Variants in CCDC85A observed in about 807,000 individuals in gnomAD.
The protein encoded by CCDC85A is coiled-coil domain-containing protein 85A.
In CCDC85A, 38 loss-of-function variants were observed where a neutral mutation model predicts 50.2. The ratio of observed to expected loss-of-function variants is 0.76; its 90% CI spans 0.58 to 0.99. The LOEUF (loss-of-function observed/expected upper bound fraction) is 0.99. Ranked by LOEUF, CCDC85A falls within the 50% of genes least tolerant of loss-of-function variation. The pLI is 0.00. For missense variants in CCDC85A, 820 were observed against 742.0 expected, an observed-to-expected ratio of 1.11 and a Z score of -1.22; for synonymous variants, 366 against 301.4, an observed-to-expected ratio of 1.21 and a Z score of -2.22.
chr2:56,272,181 G>C (rs1350517785), intron 2 of CCDC85A, among the ~76,000 whole-genome samples: 1 of 152,070 alleles, frequency 6.6e-6, no homozygotes, highest in African/African-American at 2.4e-5. Flanking sequence ...TAATCCCTAA[G>C]GTTAAAGAAT....
chr2:56,193,021 T>C lies in CCDC85A; in HGVS notation c.821T>C (p.Leu274Pro), dbSNP rs757214660. Reference sequence around the variant, plus strand: ...GGAACCCCAGATCGCCCCAAAGCACTCAAAGGACCTAGCCCGGAGCACCAC... The same window carrying C: ...GGAACCCCAGATCGCCCCAAAGCACCCAAAGGACCTAGCCCGGAGCACCAC... The part of the protein sequence containing the change: ...ACGTPDRPKA[L>P]KGPSPEHHKP... The change falls in exon 2 of 6, where the codon CTC (leucine) becomes CCC (proline). Residue 274 changes from leucine to proline, a missense_variant. Leu to Pro is a moderately conservative substitution (Grantham distance 98, BLOSUM62 -3). Coordinates refer to ENST00000407595, the MANE Select transcript of CCDC85A (RefSeq NM_001080433.2). 3 of 1,612,514 alleles carry C rather than the reference T, an allele frequency of 1.9e-6. No individual in the cohort carries two copies. Among genetic ancestry groups the C allele is most frequent in the Non-Finnish European group, 2.5e-6 (3 of 1,179,624 alleles).
chr2:56,204,432 A>C (rs1322547475), intron 2 of CCDC85A, among the ~76,000 whole-genome samples: 12 of 152,168 alleles, frequency 7.9e-5, no homozygotes, highest in South Asian at 2.1e-4. Flanking sequence ...GTCTGATTTC[A>C]CACAGGTTTG....
intron 3 of CCDC85A, among the ~76,000 whole-genome samples, chr2:56,371,231 G>C (rs1676055876): frequency 6.6e-6 from 1 of 152,034 alleles, no homozygotes; most frequent in Admixed American, 6.6e-5. Context: ...AATTTAATAG[G>C]TTCAGAAAAG....
At chr2:56,282,304 T>C (rs1170064628) in intron 2 of CCDC85A, among the ~76,000 whole-genome samples, 1 of 152,204 alleles carries the variant, frequency 6.6e-6, no homozygotes, top group Admixed American at 6.5e-5. Flanking sequence ...TTGATAACTG[T>C]AGCTTTGTAG....
At position 56,270,844 on chromosome 2, in the gene CCDC85A, A is replaced by G. The variant is rs572321110; in HGVS notation, c.1241-72035A>G. Among the ~76,000 whole-genome samples the G allele has an allele frequency of 3.9e-5, 6 of 152,340 alleles. No individual in the cohort carries two copies. In the East Asian group the frequency reaches 1.2e-3, roughly 29 times the overall value. On this transcript the variant is annotated intron_variant, in intron 2 of 5. Coordinates refer to ENST00000407595, the MANE Select transcript of CCDC85A (RefSeq NM_001080433.2). ...TCGTAGGCAGTTTATGCAGTCCACC[A>G]TGGGAAAGCCACTAAATTTATTACC...
chr2:56,282,831 T>A (rs1310958302), intron 2 of CCDC85A, among the ~76,000 whole-genome samples: 1 of 152,248 alleles, frequency 6.6e-6, no homozygotes, highest in Non-Finnish European at 1.5e-5. Context: ...TTATTTGGAC[T>A]GCTTTAATTT....
chr2:56,292,187 A>G (rs1409412964), intron 2 of CCDC85A, among the ~76,000 whole-genome samples: 1 of 152,064 alleles, frequency 6.6e-6, no homozygotes, highest in South Asian at 2.1e-4. Flanking sequence ...GGTTCATGCC[A>G]TTCTCCAGCC....
intron 3 of CCDC85A, among the ~76,000 whole-genome samples, chr2:56,349,217 A>G (rs12616389): frequency 0.44 from 66,981 of 151,922 alleles, 15,992 homozygotes; most frequent in South Asian, 0.6. Flanking sequence ...CTGGAGTCAT[A>G]CTTGGGAAAA....
intron 5 of CCDC85A, among the ~76,000 whole-genome samples, chr2:56,382,729 T>G (rs1401014604): frequency 6.6e-6 from 1 of 152,010 alleles, no homozygotes; most frequent in Non-Finnish European, 1.5e-5. Context: ...CACCACATAG[T>G]TACATCTGGG....
chr2:56,292,934 T>C (rs1022967051), intron 2 of CCDC85A, among the ~76,000 whole-genome samples: 4 of 152,212 alleles, frequency 2.6e-5, no homozygotes, highest in Non-Finnish European at 5.9e-5. Context: ...CTAAACCCAA[T>C]TGATAGTCAA....
At chr2:56,321,393 C>T (rs1195530108) in intron 2 of CCDC85A, among the ~76,000 whole-genome samples, 2 of 152,056 alleles carry the variant, frequency 1.3e-5, no homozygotes, top group African/African-American at 2.4e-5. Context: ...TTTAGAAAAC[C>T]CCATCATTCA....
At chr2:56,346,364 C>A (rs1389964305) in intron 3 of CCDC85A, among the ~76,000 whole-genome samples, 1 of 152,152 alleles carries the variant, frequency 6.6e-6, no homozygotes, top group Non-Finnish European at 1.5e-5. Flanking sequence ...GGCTTGGGCC[C>A]ATGTTTTATA....
intron 2 of CCDC85A, among the ~76,000 whole-genome samples, chr2:56,246,948 C>T (rs1028183163): frequency 5.3e-5 from 8 of 152,138 alleles, no homozygotes; most frequent in Admixed American, 5.2e-4. Context: ...TCCTTACAAT[C>T]CAAGTATGTG....
At chr2:56,332,128 A>G (rs905211240) in intron 2 of CCDC85A, among the ~76,000 whole-genome samples, 1 of 152,190 alleles carries the variant, frequency 6.6e-6, no homozygotes, top group Non-Finnish European at 1.5e-5. Context: ...CAGTGGGCAT[A>G]TGTAACCAAA....
chr2:56,185,019 G>C (rs1675944561), intron 1 of CCDC85A, 119 bp downstream of exon 1: 1 of 1,266,512 alleles, frequency 7.9e-7, no homozygotes, highest in Non-Finnish European at 1.0e-6. Context: ...CCTTCTCCCG[G>C]TCGGCACCCC....
intron 2 of CCDC85A, 60 bp from the exon 3 acceptor site, chr2:56,342,819 C>T (rs1213562345): frequency 3.6e-6 from 4 of 1,110,518 alleles, no homozygotes; most frequent in East Asian, 2.6e-5. Flanking sequence ...CAGAAATATC[C>T]TGACAGTACA....
At chr2:56,233,609 T>TA (rs537640872) in intron 2 of CCDC85A, among the ~76,000 whole-genome samples, 34 of 151,822 alleles carry the variant, frequency 2.2e-4, no homozygotes, top group Admixed American at 1.2e-3. Flanking sequence ...CATAAAATAC[T>TA]AAAAAAAAAT....
intron 2 of CCDC85A, among the ~76,000 whole-genome samples, chr2:56,240,164 C>T (rs1316478668): frequency 6.6e-6 from 1 of 152,140 alleles, no homozygotes. Flanking sequence ...TTAGTAGTTG[C>T]TCCCCGTTTC....
chr2:56,377,001 T>G (rs1676366965), intron 5 of CCDC85A, among the ~76,000 whole-genome samples: 1 of 152,226 alleles, frequency 6.6e-6, no homozygotes, highest in South Asian at 2.1e-4. Flanking sequence ...TTTATTTCAC[T>G]TTGAGATGAT....
Sources: gnomAD v4.1 joint callset for allele counts (sites outside exome capture counted in the v4.1 genomes callset) on GRCh38, gnomAD v4.1.1 for gene constraint, MANE v1.5 for transcripts, NCBI Gene and HGNC (gene_info 2026-07-23, HGNC 2026-07-21) for gene names.